The following TBL1X variants were observed in gnomAD, a reference collection of about 807,000 sequenced individuals.
TBL1X encodes transducin beta like 1 X-linked.
A neutral mutation model predicts 50.7 loss-of-function variants in TBL1X; 10 were observed. That is an observed-to-expected ratio of 0.20 (90% CI 0.12 to 0.33). The LOEUF is 0.33. Ranked by LOEUF, TBL1X falls within the 10% of genes least tolerant of loss-of-function variation. TBL1X has a pLI of 1.00. For missense variants in TBL1X, 340 were observed against 504.4 expected, an observed-to-expected ratio of 0.67 and a Z score of 3.12; for synonymous variants, 190 against 214.7, an observed-to-expected ratio of 0.88 and a Z score of 1.01.
chrX:9,669,927 C>T (rs1209034049), intron 5 of TBL1X, among the ~76,000 whole-genome samples: 4 of 111,886 alleles, frequency 3.6e-5, no homozygotes, highest in Admixed American at 1.9e-4. Flanking sequence ...GACTGTCTTG[C>T]TTCTAGCTCA....
At chrX:9,692,001 A>C in intron 8 of TBL1X, 112 bp from the exon 9 acceptor site, 1 of 1,122,693 alleles carries the variant, frequency 8.9e-7, no homozygotes, top group Non-Finnish European at 1.2e-6. Flanking sequence ...GAGGGATGAA[A>C]AAGACAGAAG....
At position 9,670,287 on chromosome X, in the gene TBL1X, C is replaced by A. The variant is rs182907276; in HGVS notation, c.212-13756C>A. 2.5e-3 allele frequency among the ~76,000 whole-genome samples: 273 copies of A among 110,896 alleles called. 1 individual carries two copies. Among genetic ancestry groups the A allele is most frequent in the African/African-American group, 7.9e-3 (240 of 30,451 alleles). On this transcript the variant is annotated intron_variant, in intron 5 of 17. Transcript: ENST00000645353. ...GCGAACAACCGGTCCTGTGGCCCCCCCTACTGAGGAATGACTCAGCATAAG... is the reference window on the plus strand; with the variant it reads ...GCGAACAACCGGTCCTGTGGCCCCCACTACTGAGGAATGACTCAGCATAAG...
At chrX:9,504,991 A>C in intron 2 of TBL1X, among the ~76,000 whole-genome samples, 1 of 111,537 alleles carries the variant, frequency 9.0e-6, no homozygotes, top group Admixed American at 9.6e-5. Context: ...GAGACGATCA[A>C]CCCCAAGACA....
chrX:9,478,808 A>T (rs1307211314), intron 1 of TBL1X, among the ~76,000 whole-genome samples: 1 of 112,335 alleles, frequency 8.9e-6, no homozygotes, highest in African/African-American at 3.2e-5. Context: ...GGGAGATTCT[A>T]GATCTTTTAA....
At chrX:9,496,058 T>G (rs769469330) in intron 1 of TBL1X, among the ~76,000 whole-genome samples, 8 of 112,592 alleles carry the variant, frequency 7.1e-5, no homozygotes, top group African/African-American at 2.6e-4. Flanking sequence ...CATAGTGTAG[T>G]GTTGATAGTG....
intron 13 of TBL1X, among the ~76,000 whole-genome samples, chrX:9,707,814 C>T (rs2083218692): frequency 1.8e-5 from 2 of 112,186 alleles, no homozygotes; most frequent in African/African-American, 3.2e-5. Flanking sequence ...CCCGGGCTCT[C>T]GCAGCAGCCT....
chrX:9,655,276 G>A (rs758673428), intron 5 of TBL1X, among the ~76,000 whole-genome samples: 23 of 111,004 alleles, frequency 2.1e-4, no homozygotes, highest in African/African-American at 7.2e-4. Flanking sequence ...AGGCGGGTCG[G>A]TTCCTTCTGA....
rs5934639 is a variant in TBL1X, at chrX:9,503,268, G to A, written c.-131+1419G>A. ...AGGTGAGTGAGCACGCTACCCAGCC[G>A]GGGAAACTGCTTTTCCACAGAACTG... On this transcript the variant is annotated intron_variant, in intron 2 of 17. Transcript: ENST00000645353. Among the ~76,000 whole-genome samples the A allele has an allele frequency of 5.3e-3, 594 of 112,358 alleles. 2 individuals carry two copies. Among genetic ancestry groups the A allele is most frequent in the Non-Finnish European group, 9.3e-3 (493 of 53,165 alleles).
intron 1 of TBL1X, among the ~76,000 whole-genome samples, chrX:9,498,485 G>A (rs1295465932): frequency 1.8e-5 from 2 of 112,620 alleles, no homozygotes; most frequent in African/African-American, 3.2e-5. Flanking sequence ...CTTGATAAAC[G>A]AAATGATGGA....
intron 2 of TBL1X, among the ~76,000 whole-genome samples, chrX:9,567,926 C>T (rs2082359946): frequency 8.9e-6 from 1 of 112,249 alleles, no homozygotes; most frequent in Non-Finnish European, 1.9e-5. Context: ...CAGAGAAGTC[C>T]AGCCCTGGGA....
In TBL1X at chrX:9,675,437, G is replaced by A. The variant is rs141314927; in HGVS notation, c.212-8606G>A. On this transcript the variant is annotated intron_variant, in intron 5 of 17. Transcript: ENST00000645353. ...TGAAAGATAAAACTGGATGTAGTGTGAGTAAAGGATGACCTGCCTGCTTGG... is the reference window on the plus strand; with the variant it reads ...TGAAAGATAAAACTGGATGTAGTGTAAGTAAAGGATGACCTGCCTGCTTGG... Among the ~76,000 whole-genome samples the A allele has an allele frequency of 9.1e-3, 1,021 of 111,600 alleles. 13 individuals are homozygous for A. Among genetic ancestry groups the A allele is most frequent in the African/African-American group, 0.031 (947 of 30,694 alleles).
chrX:9,692,085 C>T (rs371683874), intron 8 of TBL1X, 28 bp from the exon 9 acceptor site: 1 of 1,211,444 alleles, frequency 8.3e-7, no homozygotes, highest in Non-Finnish European at 1.1e-6. Context: ...AACCAAACAC[C>T]AGAGGCTCCT....
chrX:9,670,227 G>A (rs1213855911), intron 5 of TBL1X, among the ~76,000 whole-genome samples: 2 of 110,951 alleles, frequency 1.8e-5, no homozygotes, highest in Admixed American at 1.9e-4. Context: ...TCAGGTGTTC[G>A]CATTTCTGAC....
At chrX:9,598,210 TGAGA>T (rs935562814) in intron 2 of TBL1X, among the ~76,000 whole-genome samples, 4 of 111,403 alleles carry the variant, frequency 3.6e-5, no homozygotes, top group African/African-American at 1.3e-4. Context: ...TCCAGAACCG[TGAGA>T]GAGTCAGTTT....
chrX:9,680,814 G>C (rs1278826786), intron 5 of TBL1X, among the ~76,000 whole-genome samples: 1 of 111,542 alleles, frequency 9.0e-6, no homozygotes, highest in Non-Finnish European at 1.9e-5. Context: ...TCCAAAAGAG[G>C]ACCCAAGCTG....
intron 13 of TBL1X, among the ~76,000 whole-genome samples, chrX:9,707,251 G>T (rs1384936295): frequency 9.0e-6 from 1 of 111,130 alleles, no homozygotes; most frequent in Non-Finnish European, 1.9e-5. Context: ...TGGCCCAGGG[G>T]TCCCTGTCCC....
At chrX:9,469,632 T>C (rs756823378) in intron 1 of TBL1X, among the ~76,000 whole-genome samples, 24 of 112,617 alleles carry the variant, frequency 2.1e-4, no homozygotes, top group Admixed American at 4.7e-4. Context: ...AATTACCATA[T>C]GGTAAGTTTG....
chrX:9,560,143 G>A (rs924796633), intron 2 of TBL1X, among the ~76,000 whole-genome samples: 1 of 112,168 alleles, frequency 8.9e-6, no homozygotes, highest in Non-Finnish European at 1.9e-5. Context: ...TATGTCACCT[G>A]TGGAGTTCCA....
chrX:9,704,638 A>G (rs1040904776), intron 12 of TBL1X, among the ~76,000 whole-genome samples: 3 of 111,248 alleles, frequency 2.7e-5, no homozygotes, highest in African/African-American at 9.8e-5. Flanking sequence ...TAACCCTAAC[A>G]CTTTGGGAGG....
Sources: gnomAD v4.1 joint callset for allele counts (sites outside exome capture counted in the v4.1 genomes callset) on GRCh38, gnomAD v4.1.1 for gene constraint, MANE v1.5 for transcripts, NCBI Gene and HGNC (gene_info 2026-07-23, HGNC 2026-07-21) for gene names.